RFTN1: variants seen among roughly 807,000 people sequenced by gnomAD.
The protein encoded by RFTN1 is raftlin.
Under a neutral mutation model 46.5 loss-of-function variants are expected in RFTN1, and 26 were observed. The observed-to-expected ratio is 0.56, with a 90% CI of 0.41 to 0.78. RFTN1 has a LOEUF of 0.78. Ranked by LOEUF, RFTN1 falls within the 30% of genes least tolerant of loss-of-function variation. The probability of loss-of-function intolerance (pLI) is 0.00; values close to 1 mark genes in which losing one functional copy is unlikely to be tolerated. For synonymous variants in RFTN1, 261 were observed against 284.2 expected, an observed-to-expected ratio of 0.92 and a Z score of 0.82; for missense variants, 693 against 718.7, an observed-to-expected ratio of 0.96 and a Z score of 0.41.
intron 2 of RFTN1, among the ~76,000 whole-genome samples, chr3:16,437,769 G>T (rs2075545217): frequency 6.6e-6 from 1 of 151,842 alleles, no homozygotes; most frequent in Non-Finnish European, 1.5e-5. Context: ...TATTATAAAT[G>T]TTGCCTCACT....
At position 16,479,915 on chromosome 3, in the gene RFTN1, A is replaced by G. The variant is rs1460404938; in HGVS notation, c.145+13810T>C. Among the ~76,000 whole-genome samples the G allele has an allele frequency of 6.6e-6, 1 of 152,212 alleles. No homozygotes were observed. The highest frequency in any genetic ancestry group is 2.4e-5 in the African/African-American group (1 of 41,448). On this transcript the variant is annotated intron_variant, in intron 2 of 9. Coordinates refer to ENST00000334133, the MANE Select transcript of RFTN1 (RefSeq NM_015150.2). This position sits in a 1 kb window ranked among gnomAD's most constrained non-coding sequence, Gnocchi z 5.1. ...GGCAGATGCTTCTCCAAGATAACACACAGACTCTATTAGGGCTATACCCAA... is the reference window on the plus strand; with the variant it reads ...GGCAGATGCTTCTCCAAGATAACACGCAGACTCTATTAGGGCTATACCCAA...
chr3:16,366,949 G>A (rs2073219582), intron 6 of RFTN1, among the ~76,000 whole-genome samples: 1 of 152,348 alleles, frequency 6.6e-6, no homozygotes, highest in South Asian at 2.1e-4. Context: ...GACACCATGA[G>A]CAGGAGCCCA....
In RFTN1 at chr3:16,440,002, G is replaced by C. The variant is rs1415334493; in HGVS notation, c.146-5965C>G. Among the ~76,000 whole-genome samples the C allele has an allele frequency of 2.0e-5, 3 of 152,096 alleles. No individual in the cohort carries two copies. Among genetic ancestry groups the C allele is most frequent in the African/African-American group, 4.8e-5 (2 of 41,384 alleles). On this transcript the variant is annotated intron_variant, in intron 2 of 9. Transcript: ENST00000334133. The surrounding 1 kb of genome is among the most constrained non-coding windows in gnomAD (Gnocchi z 4.6). ...CCTTTGACCAGGAGCTGACTCTAAG[G>C]CTGAACCACATGAACCGTCTCATCA...
At chr3:16,495,653 G>C (rs2076612417) in intron 1 of RFTN1, among the ~76,000 whole-genome samples, 1 of 152,242 alleles carries the variant, frequency 6.6e-6, no homozygotes, top group Non-Finnish European at 1.5e-5. Context: ...GCAGGAAGCT[G>C]CCCTACCTGA....
At position 16,443,386 on chromosome 3, in the gene RFTN1, T is replaced by A. The variant is rs1290570035; in HGVS notation, c.146-9349A>T. 1.3e-5 allele frequency among the ~76,000 whole-genome samples: 2 copies of A among 152,196 alleles called. No individual in the cohort carries two copies. Among genetic ancestry groups the A allele is most frequent in the East Asian group, 3.8e-4 (2 of 5,202 alleles). The stretch of plus-strand genomic sequence containing the variant: ...CACTTTTATATCTCCTTGGGAGATA[T>A]GTCTATTCAAGCCCTCTGCCCATTT... On this transcript the variant is annotated intron_variant, in intron 2 of 9. Coordinates refer to ENST00000334133, the MANE Select transcript of RFTN1 (RefSeq NM_015150.2). This position sits in a 1 kb window ranked among gnomAD's most constrained non-coding sequence, Gnocchi z 5.5.
At chr3:16,419,416 G>A (rs2075145514) in intron 3 of RFTN1, among the ~76,000 whole-genome samples, 1 of 152,304 alleles carries the variant, frequency 6.6e-6, no homozygotes, top group African/African-American at 2.4e-5. Context: ...TGTAGGAAGG[G>A]GGGAAGAATA....
chr3:16,430,565 C>T (rs923290486), intron 3 of RFTN1, among the ~76,000 whole-genome samples: 2 of 152,190 alleles, frequency 1.3e-5, no homozygotes, highest in African/African-American at 4.8e-5. Flanking sequence ...CCACTCCTCC[C>T]ACCTAATACC....
At position 16,360,241 on chromosome 3, in the gene RFTN1, G is replaced by A. The variant is rs571372049; in HGVS notation, c.1031-2194C>T. 3.3e-5 allele frequency among the ~76,000 whole-genome samples: 5 copies of A among 151,702 alleles called. No individual in the cohort carries two copies. The South Asian group carries it at 6.2e-4, about 19-fold the overall frequency. On this transcript the variant is annotated intron_variant, in intron 6 of 9. Coordinates refer to ENST00000334133, the MANE Select transcript of RFTN1 (RefSeq NM_015150.2). Reference sequence around the variant, plus strand: ...GACTGGAGTGCCATGGCACAATCACGGCTCACTGCAGCCTCAACCTCCTGG... The same window carrying A: ...GACTGGAGTGCCATGGCACAATCACAGCTCACTGCAGCCTCAACCTCCTGG...
rs11328874 is a variant in RFTN1, at chr3:16,468,631, T to TA, written c.145+25093dup. Among the ~76,000 whole-genome samples the TA allele has an allele frequency of 0.044, 4,365 of 100,062 alleles. 67 individuals are homozygous for TA. The highest frequency in any genetic ancestry group is 0.048 in the African/African-American group (1,357 of 28,524). The allele number at this position is 100,062 out of a possible 152,430, so 65.6% of individuals were successfully genotyped here. ...CCTCACGTACAACCCAGCGTTTGAG[T>TA]AAAAAAAAAAAAAAAAAAAACTTTA... On this transcript the variant is annotated intron_variant, in intron 2 of 9. Coordinates refer to ENST00000334133, the MANE Select transcript of RFTN1 (RefSeq NM_015150.2). This position sits in a 1 kb window ranked among gnomAD's most constrained non-coding sequence, Gnocchi z 4.4.
rs181582250 is a variant in RFTN1, at chr3:16,389,655, T to C, written c.442-11553A>G. 4.6e-5 allele frequency among the ~76,000 whole-genome samples: 7 copies of C among 152,364 alleles called. No homozygotes were observed. In the East Asian group the frequency reaches 1.3e-3, roughly 29 times the overall value. The stretch of plus-strand genomic sequence containing the variant: ...ACGTATTCTCAAAGTTCTCTCCTAG[T>C]AGAAGAATGAACCAGAAATGAACAT... On this transcript the variant is annotated intron_variant, in intron 4 of 9. Coordinates refer to ENST00000334133, the MANE Select transcript of RFTN1 (RefSeq NM_015150.2).
chr3:16,406,395 GC>G (rs1473385238), intron 4 of RFTN1, among the ~76,000 whole-genome samples: 3 of 152,134 alleles, frequency 2.0e-5, no homozygotes, highest in African/African-American at 7.2e-5. Context: ...CAATGCGGGG[GC>G]AAACGGTGGG....
rs763552091 is a variant in RFTN1, at chr3:16,407,616, A to AT, written c.441+1758dup. On this transcript the variant is annotated intron_variant, in intron 4 of 9. Coordinates refer to ENST00000334133, the MANE Select transcript of RFTN1 (RefSeq NM_015150.2). The surrounding 1 kb of genome is among the most constrained non-coding windows in gnomAD (Gnocchi z 4.0). ...TAATTACAAAACCATTTCTAAAATGATTTTTTCCTGGTATTCGGATCATAG... is the reference window on the plus strand; with the variant it reads ...TAATTACAAAACCATTTCTAAAATGATTTTTTTCCTGGTATTCGGATCATAG... Among the ~76,000 whole-genome samples the AT allele has an allele frequency of 1.4e-4, 22 of 152,192 alleles. No individual in the cohort carries two copies. Among genetic ancestry groups the AT allele is most frequent in the East Asian group, 1.9e-4 (1 of 5,182 alleles).
chr3:16,439,751 C>A (rs911268603), intron 2 of RFTN1, among the ~76,000 whole-genome samples: 3 of 152,084 alleles, frequency 2.0e-5, no homozygotes, highest in African/African-American at 7.2e-5. Context: ...CACTGCTGCC[C>A]GAGGGTTCCA....
chr3:16,464,206 G>A (rs1009596147), intron 2 of RFTN1, among the ~76,000 whole-genome samples: 4 of 152,152 alleles, frequency 2.6e-5, no homozygotes, highest in African/African-American at 9.7e-5. Flanking sequence ...AGTCCCAAGA[G>A]AACACAAACG....
At chr3:16,358,696 T>C (rs980348907) in intron 6 of RFTN1, among the ~76,000 whole-genome samples, 10 of 152,104 alleles carry the variant, frequency 6.6e-5, no homozygotes, top group African/African-American at 2.2e-4. Flanking sequence ...ACATGAAATG[T>C]ATAGCATGAT....
chr3:16,377,929 C>T lies in RFTN1; in HGVS notation c.615G>A (p.Pro205=), dbSNP rs1377185906. 9 of 1,614,110 alleles carry T rather than the reference C, an allele frequency of 5.6e-6. No individual in the cohort carries two copies. The highest frequency in any genetic ancestry group is 2.2e-5 in the South Asian group (2 of 91,094). The change falls in exon 5 of 10, where the codon CCG becomes CCA. Residue 205 remains proline, a synonymous_variant. Coordinates refer to ENST00000334133, the MANE Select transcript of RFTN1 (RefSeq NM_015150.2). The part of the protein sequence containing the change: ...GDHASLENEK[P]GTGDVCSAPA... The stretch of plus-strand genomic sequence containing the variant: ...GAGCACTGCACACATCCCCAGTCCC[C>T]GGTTTCTCATTCTCCAGTGACGCGT...
rs539152014 is a variant in RFTN1 at position 16,400,208 on chromosome 3, G to A, written c.441+9167C>T. Among the ~76,000 whole-genome samples the A allele has an allele frequency of 1.7e-4, 26 of 152,270 alleles. No individual in the cohort carries two copies. Among genetic ancestry groups the A allele is most frequent in the African/African-American group, 6.0e-4 (25 of 41,540 alleles). On this transcript the variant is annotated intron_variant, in intron 4 of 9. Coordinates refer to ENST00000334133, the MANE Select transcript of RFTN1 (RefSeq NM_015150.2). The surrounding 1 kb of genome is among the most constrained non-coding windows in gnomAD (Gnocchi z 4.5). ...CTCACTCCACCTCACTCACCCCTCT[G>A]TCATTTGCAGGCAAGACAGTGAACT...
In RFTN1 at chr3:16,409,460, T is replaced by C. The variant is rs755718614; in HGVS notation, c.356A>G (p.Asn119Ser). ...ATCTAATTCCAAGATGTAGCCTTCA[T>C]TGTGAAGATCAGTTTTCTGAGATCT... ...TDRSQKTDLH[N>S]EGYILELDCC... The change falls in exon 4 of 10, where the codon AAT (asparagine) becomes AGT (serine). Residue 119 changes from asparagine (N) to serine (S), a missense_variant. By Grantham distance (46) the Asn-to-Ser change is conservative. Coordinates refer to ENST00000334133, the MANE Select transcript of RFTN1 (RefSeq NM_015150.2). 3 of 1,612,826 alleles carry C rather than the reference T, an allele frequency of 1.9e-6. No homozygotes were observed. The highest frequency in any genetic ancestry group is 1.7e-5 in the Admixed American group (1 of 60,004).
In RFTN1 at chr3:16,433,185, T is replaced by TTTTAA. The variant is rs3054563; in HGVS notation, c.332+665_332+666insTTAAA. Among the ~76,000 whole-genome samples the TTTTAA allele has an allele frequency of 2.5e-4, 38 of 150,244 alleles. 1 individual carries two copies. In the South Asian group the frequency reaches 4.0e-3, roughly 16 times the overall value. On this transcript the variant is annotated intron_variant, in intron 3 of 9. Coordinates refer to ENST00000334133, the MANE Select transcript of RFTN1 (RefSeq NM_015150.2). This position sits in a 1 kb window ranked among gnomAD's most constrained non-coding sequence, Gnocchi z 4.4. The stretch of plus-strand genomic sequence containing the variant: ...TCCCATCCTCACTGTTTTTTTTTTT[T>TTTTAA]AAAAAAATTAATATTGTTCCTTTTG...
Sources: allele counts gnomAD v4.1 joint callset (sites outside exome capture counted in the v4.1 genomes callset), GRCh38; gene constraint gnomAD v4.1.1; non-coding constraint Gnocchi (gnomAD v3.1); transcripts MANE v1.5; gene names NCBI Gene and HGNC (gene_info 2026-07-23, HGNC 2026-07-21).